PXYLP1: variants seen among roughly 807,000 people sequenced by gnomAD.
PXYLP1 encodes the protein acid phosphatase-like 2.
In PXYLP1, 17 loss-of-function variants were observed where a neutral mutation model predicts 37.9. The ratio of observed to expected loss-of-function variants is 0.45; its 90% confidence interval spans 0.31 to 0.67. PXYLP1 has a LOEUF of 0.67. Among genes scored for constraint, PXYLP1 ranks in the 30% least tolerant of loss-of-function variants. The pLI is 0.07. For synonymous variants in PXYLP1, 221 were observed against 232.2 expected (o/e 0.95, Z 0.44); for missense variants, 511 against 612.0 (o/e 0.84, Z 1.74).
intron 4 of PXYLP1, among the ~76,000 whole-genome samples, chr3:141,283,171 A>T (rs1429351895): frequency 1.4e-5 from 2 of 148,120 alleles, no homozygotes; most frequent in Non-Finnish European, 3.0e-5. Context: ...TTTAGTAGAG[A>T]TGGGGTTTCA....
chr3:141,268,772 G>A (rs1365585576), intron 2 of PXYLP1, among the ~76,000 whole-genome samples: 2 of 152,236 alleles, frequency 1.3e-5, no homozygotes, highest in Non-Finnish European at 2.9e-5. Context: ...CAGTGCGGCT[G>A]TCACACACAC....
chr3:141,265,158 G>A (rs1941476412), intron 2 of PXYLP1, among the ~76,000 whole-genome samples: 1 of 152,100 alleles, frequency 6.6e-6, no homozygotes, highest in African/African-American at 2.4e-5. Flanking sequence ...TTGTGAAGTT[G>A]GAACAAAGTC....
chr3:141,244,515 A>T (rs1940890614), intron 1 of PXYLP1, among the ~76,000 whole-genome samples: 1 of 150,958 alleles, frequency 6.6e-6, no homozygotes, highest in Admixed American at 6.6e-5. Context: ...CGGTAAATTT[A>T]TGTTTTCCGA....
chr3:141,264,655 G>A (rs1480117369), intron 2 of PXYLP1, among the ~76,000 whole-genome samples: 1 of 152,210 alleles, frequency 6.6e-6, no homozygotes, highest in Non-Finnish European at 1.5e-5. Context: ...TGCTGGGACA[G>A]GTAAGAGGCA....
At position 141,278,365 on chromosome 3, in the gene PXYLP1, C is replaced by G. The variant is rs556144584; in HGVS notation, c.103C>G (p.Pro35Ala). 4 of 1,614,068 alleles carry G rather than the reference C, an allele frequency of 2.5e-6. No individual in the cohort carries two copies. Among genetic ancestry groups the G allele is most frequent in the Non-Finnish European group, 3.4e-6 (4 of 1,180,042 alleles). Reference protein sequence around the residue: ...QFFHLIPVSTPKNGMSSKSRK... With the variant: ...QFFHLIPVSTAKNGMSSKSRK... ...AGTCCACCTGATCCCGGTGTCGACT[C>G]CTAAGAATGGAATGAGTAGCAAGAG... Residue 35 changes from proline (P) to alanine (A), a missense_variant, in exon 3 of 6, where the codon CCT (proline) becomes GCT (alanine). By Grantham distance (27) the Pro-to-Ala change is conservative. Transcript: ENST00000286353.
intron 1 of PXYLP1, among the ~76,000 whole-genome samples, chr3:141,257,081 A>T (rs140403346): frequency 6.6e-6 from 1 of 152,342 alleles, no homozygotes; most frequent in African/African-American, 2.4e-5. Flanking sequence ...CGTAGACAAG[A>T]TGGAGATTTT....
At position 141,279,364 on chromosome 3, in the gene PXYLP1, C is replaced by T. The variant is rs768677037; in HGVS notation, c.239-14C>T. 6.2e-7 allele frequency: 1 copy of T among 1,613,988 alleles called. No homozygotes were observed. The highest frequency in any genetic ancestry group is 1.7e-5 in the Admixed American group (1 of 60,014). The stretch of plus-strand genomic sequence containing the variant: ...TATTGAGTGATAACCAGACAATGTG[C>T]TTCTCTCGCGCAGGTCATGCCCCGC... On this transcript the variant is annotated splice_polypyrimidine_tract_variant and intron_variant, in intron 3 of 5. Coordinates refer to ENST00000286353, the MANE Select transcript of PXYLP1 (RefSeq NM_001037172.3).
chr3:141,265,788 G>A (rs911430314), intron 2 of PXYLP1, among the ~76,000 whole-genome samples: 2 of 152,210 alleles, frequency 1.3e-5, no homozygotes, highest in African/African-American at 4.8e-5. Context: ...ATAGGTGGAA[G>A]TAAATTCTCA....
At chr3:141,273,679 A>G (rs1283885358) in intron 2 of PXYLP1, 4 of 985,252 alleles carry the variant, frequency 4.1e-6, no homozygotes, top group East Asian at 1.1e-4. Context: ...ATCTTTACAC[A>G]TGAGGGTTAT....
At position 141,251,733 on chromosome 3, in the gene PXYLP1, C is replaced by T. The variant is rs114500193; in HGVS notation, c.-53-8390C>T. 5.1e-3 allele frequency among the ~76,000 whole-genome samples: 782 copies of T among 152,290 alleles called. 7 individuals carry two copies. Among genetic ancestry groups the T allele is most frequent in the African/African-American group, 0.018 (748 of 41,560 alleles). On this transcript the variant is annotated intron_variant, in intron 1 of 5. Coordinates refer to ENST00000286353, the MANE Select transcript of PXYLP1 (RefSeq NM_001037172.3). ...CTTTTGCCCCTCGGACCTGCCCTGG[C>T]CTCTCTTCAGGTAAATGAAGGGGTT...
intron 1 of PXYLP1, chr3:141,235,357 G>T (rs540106385): frequency 6.6e-6 from 1 of 152,404 alleles, no homozygotes; most frequent in African/African-American, 2.4e-5. Context: ...TTGGTCTGGG[G>T]TTTGGCCTGG....
At chr3:141,284,328 G>A (rs1025948063) in intron 4 of PXYLP1, among the ~76,000 whole-genome samples, 4 of 152,186 alleles carry the variant, frequency 2.6e-5, no homozygotes, top group Non-Finnish European at 5.9e-5. Flanking sequence ...TGGAAGGAAG[G>A]AAGATAATGT....
chr3:141,292,620 C>T lies in PXYLP1; in HGVS notation c.858C>T (p.Thr286=), dbSNP rs761050128. Reference sequence around the variant, plus strand: ...TGGCCAAGATCGTGGATGTCCCCACCAAGCAGCTTAGAGCTGCCAACCCCA... The same window carrying T: ...TGGCCAAGATCGTGGATGTCCCCACTAAGCAGCTTAGAGCTGCCAACCCCA... ...GEMAKIVDVP[T]KQLRAANPID... Residue 286 remains threonine (T), a synonymous_variant, in exon 6 of 6, where the codon ACC becomes ACT. Transcript: ENST00000286353. The surrounding 1 kb of genome is among the most constrained non-coding windows in gnomAD (Gnocchi z 4.3). 3 of 1,613,876 alleles carry T rather than the reference C, an allele frequency of 1.9e-6. No homozygotes were observed. Among genetic ancestry groups the T allele is most frequent in the Middle Eastern group, 1.6e-4 (1 of 6,062 alleles).
chr3:141,279,257 G>T, intron 3 of PXYLP1, 121 bp from the exon 4 acceptor site: 1 of 1,273,466 alleles, frequency 7.9e-7, no homozygotes, highest in Non-Finnish European at 1.1e-6. Flanking sequence ...ACCCACGGTG[G>T]CCCCTGCTGC....
intron 4 of PXYLP1, among the ~76,000 whole-genome samples, chr3:141,285,570 A>G (rs937288274): frequency 1.3e-5 from 2 of 152,248 alleles, no homozygotes; most frequent in Non-Finnish European, 2.9e-5. Flanking sequence ...GCAGTTAGAT[A>G]TCATTAAGCA....
chr3:141,252,477 G>GA (rs1941162383), intron 1 of PXYLP1, among the ~76,000 whole-genome samples: 1 of 152,114 alleles, frequency 6.6e-6, no homozygotes, highest in East Asian at 1.9e-4. Flanking sequence ...CGGTGAGAGC[G>GA]GGAGCAAGAG....
rs1455409515 is a variant in PXYLP1, at chr3:141,294,597, AAT to A, written c.*1395_*1396del. 7 of 152,158 alleles carry A rather than the reference AAT, an allele frequency of 4.6e-5. No homozygotes were observed. The highest frequency in any genetic ancestry group is 2.9e-5 in the Non-Finnish European group (2 of 68,014). 9.4% of individuals were successfully genotyped at this position (152,158 alleles called of 1,614,324 possible). On this transcript the variant is annotated 3_prime_UTR_variant, in exon 6 of 6. Transcript: ENST00000286353. The stretch of plus-strand genomic sequence containing the variant: ...TTGTTTTTGTCCAGTGTTGCATTTG[AAT>A]ATGTCTGTTTCTATAAATAAATTTT...
chr3:141,260,338 T>C (rs3796261), intron 2 of PXYLP1, 84 bp downstream of exon 2: 30,952 of 1,476,496 alleles, frequency 0.021, 1,536 homozygotes, highest in East Asian at 0.18. Context: ...GTTTTATAAA[T>C]GAATGATGAG....
intron 1 of PXYLP1, among the ~76,000 whole-genome samples, chr3:141,234,056 A>G (rs948093362): frequency 7.3e-5 from 11 of 149,780 alleles, no homozygotes; most frequent in Non-Finnish European, 1.3e-4. Flanking sequence ...GTTTGTGAGG[A>G]AAAAAAATGG....
Sources: gnomAD v4.1 joint callset for allele counts (sites outside exome capture counted in the v4.1 genomes callset) on GRCh38, gnomAD v4.1.1 for gene constraint, Gnocchi (gnomAD v3.1) non-coding constraint, MANE v1.5 for transcripts, NCBI Gene and HGNC (gene_info 2026-07-23, HGNC 2026-07-21) for gene names.